The following ZMYND10 variants were observed in gnomAD, a reference collection of about 807,000 sequenced individuals.
ZMYND10 encodes zinc finger MYND-type containing 10.
ZMYND10 carries 52 observed loss-of-function variants against 62.6 expected under a neutral mutation model. That is an observed-to-expected ratio of 0.83 (90% confidence interval 0.67 to 1.05). The LOEUF (loss-of-function observed/expected upper bound fraction) is 1.05, where lower values mean the gene tolerates loss of function less well. Among genes scored for constraint, ZMYND10 ranks in the 50% least tolerant of loss-of-function variants. The pLI, the probability that ZMYND10 is intolerant of heterozygous loss-of-function variation, is 0.00. For missense variants in ZMYND10, 438 were observed against 543.3 expected (o/e 0.81, Z 1.93); for synonymous variants, 197 against 218.5 (o/e 0.90, Z 0.87).
At position 50,343,129 on chromosome 3, in the gene ZMYND10, G is replaced by A. The variant is rs767001214; in HGVS notation, c.588C>T (p.Asp196=). 9.4e-5 allele frequency: 152 copies of A among 1,614,228 alleles called. No individual in the cohort carries two copies. In the Middle Eastern group the frequency reaches 4.6e-3, roughly 49 times the overall value. Residue 196 remains aspartate, a synonymous_variant, in exon 6 of 12, where the codon GAC becomes GAT. Transcript: ENST00000231749. ...KALSVLRYIT[D]CVDSLSLSTL... Reference sequence around the variant, plus strand: ...GTCGGACTGCTCACCTGTCCACACAGTCTGTGATGTAGCGTAGTACTGAGA... The same window carrying A: ...GTCGGACTGCTCACCTGTCCACACAATCTGTGATGTAGCGTAGTACTGAGA...
At position 50,345,649 on chromosome 3, in the gene ZMYND10, G is replaced by A; in HGVS notation, c.-70C>T. 1.3e-6 allele frequency: 2 copies of A among 1,514,142 alleles called. No homozygotes were observed. The highest frequency in any genetic ancestry group is 1.8e-6 in the Non-Finnish European group (2 of 1,133,438). 93.8% of individuals were successfully genotyped at this position (1,514,142 alleles called of 1,614,324 possible). A position where few individuals can be genotyped will look rare whatever the true frequency, so the allele number is the denominator to read the frequency against. On this transcript the variant is annotated 5_prime_UTR_variant, in exon 1 of 12. Coordinates refer to ENST00000231749, the MANE Select transcript of ZMYND10 (RefSeq NM_015896.4). This position sits in a 1 kb window ranked among gnomAD's most constrained non-coding sequence, Gnocchi z 5.0. ...GGATGCTGTCACATTCGGGGACGAC[G>A]GACCCCGACGGTGCCAAAGTCTGGG... is the stretch of plus-strand genomic sequence containing the variant.
In ZMYND10 at chr3:50,345,548, TC is replaced by T; in HGVS notation, c.31del (p.Glu11LysfsTer32). The T allele has an allele frequency of 6.2e-7, 1 of 1,608,420 alleles. No homozygotes were observed. The highest frequency in any genetic ancestry group is 8.5e-7 in the Non-Finnish European group (1 of 1,178,020). On this transcript the variant is annotated frameshift_variant, in exon 1 of 12. Coordinates refer to ENST00000231749, the MANE Select transcript of ZMYND10 (RefSeq NM_015896.4). LOFTEE classifies it high-confidence loss of function. This position sits in a 1 kb window ranked among gnomAD's most constrained non-coding sequence, Gnocchi z 5.0. ...CAGACCCCGCACCAGCACTTCAGCT[TC>T]CCCGGGCAGCAGCAGTTCCAGGTCT... MGDLELLLPG[E>X]AEVLVRGLRS...
rs774945751 is a variant in ZMYND10, at chr3:50,342,070, G to A, written c.944C>T (p.Ala315Val). Residue 315 changes from alanine to valine, a missense_variant, in exon 9 of 12, where the codon GCC becomes GTC. Physicochemically the swap from Ala to Val is moderately conservative, Grantham distance 64. Coordinates refer to ENST00000231749, the MANE Select transcript of ZMYND10 (RefSeq NM_015896.4). ...PNLAHLQSFL[A>V]HLTLTETQPP... ...CTGGGTTTCAGTTAGGGTCAGATGG[G>A]CCAGGAAACTCTGCAAGTGGGCCAG... 6.2e-7 allele frequency: 1 copy of A among 1,613,908 alleles called. No individual in the cohort carries two copies.
In ZMYND10 at chr3:50,342,382, C is replaced by A. The variant is rs181274355; in HGVS notation, c.873+15G>T. The A allele has an allele frequency of 6.4e-7, 1 of 1,561,450 alleles. No individual in the cohort carries two copies. The highest frequency in any genetic ancestry group is 8.7e-7 in the Non-Finnish European group (1 of 1,152,446). Reference sequence around the variant, plus strand: ...GGTACTGGGGCTGTGGGGGCTGGTGCGGAGGGAGTCTGACCTTGAGTAGCC... The same window carrying A: ...GGTACTGGGGCTGTGGGGGCTGGTGAGGAGGGAGTCTGACCTTGAGTAGCC... On this transcript the variant is annotated intron_variant, in intron 8 of 11. Coordinates refer to ENST00000231749, the MANE Select transcript of ZMYND10 (RefSeq NM_015896.4).
chr3:50,344,965 A>G, intron 2 of ZMYND10, 159 bp downstream of exon 2: 1 of 647,846 alleles, frequency 1.5e-6, no homozygotes. Context: ...AGTCCTGTCC[A>G]ATAGGGATAC....
chr3:50,345,474 C>T lies in ZMYND10; in HGVS notation c.92+14G>A, dbSNP rs587667822. On this transcript the variant is annotated intron_variant, in intron 1 of 11. Transcript: ENST00000231749. The surrounding 1 kb of genome is among the most constrained non-coding windows in gnomAD (Gnocchi z 5.0). ...ACAATGACTCCGGGACTCCGCCTGA[C>T]CCGGGTGCCTCACCCTTCGGAGCCC... 1.2e-4 allele frequency: 194 copies of T among 1,586,048 alleles called. 1 individual carries two copies. The South Asian group carries it at 2.1e-3, about 17-fold the overall frequency.
rs1215595965 is a variant in ZMYND10 at position 50,341,829 on chromosome 3, G to C, written c.1102C>G (p.Leu368Val). Reference sequence around the variant, plus strand: ...CCTTACCTTCGCGCCTGCAGCCGCAGGTCCTGCTCTGAGGGGCTGAACACA... The same window carrying C: ...CCTTACCTTCGCGCCTGCAGCCGCACGTCCTGCTCTGAGGGGCTGAACACA... ...QHVFSPSEQDLRLQARRWAET... is the reference protein window; with the variant it reads ...QHVFSPSEQDVRLQARRWAET... The change falls in exon 10 of 12, where the codon CTG (leucine) becomes GTG (valine). Residue 368 changes from leucine to valine, a missense_variant. Coordinates refer to ENST00000231749, the MANE Select transcript of ZMYND10 (RefSeq NM_015896.4). 1 of 1,614,120 alleles carries C rather than the reference G, an allele frequency of 6.2e-7. No homozygotes were observed. The highest frequency in any genetic ancestry group is 8.5e-7 in the Non-Finnish European group (1 of 1,180,038).
intron 4 of ZMYND10, 40 bp from the exon 5 acceptor site, chr3:50,343,484 T>C: frequency 1.2e-6 from 2 of 1,613,640 alleles, no homozygotes; most frequent in East Asian, 2.2e-5. Flanking sequence ...GTCTGATGCC[T>C]TCCCCACACA....
In ZMYND10 at chr3:50,342,962, A is replaced by T. The variant is rs372408462; in HGVS notation, c.656T>A (p.Leu219Gln). 1 of 1,614,018 alleles carries T rather than the reference A, an allele frequency of 6.2e-7. No individual in the cohort carries two copies. Among genetic ancestry groups the T allele is most frequent in the African/African-American group, 1.3e-5 (1 of 74,914 alleles). The change falls in exon 7 of 12, where the codon CTG becomes CAG. Residue 219 changes from leucine (L) to glutamine (Q), a missense_variant. Leu to Gln is a moderately radical substitution (Grantham distance 113). Transcript: ENST00000231749. ...GGGACTATGCTCCAGCAGTTCCACC[A>T]GGAGGCAGGGCAGGTTGTGTGTGCT... Reference protein sequence around the residue: ...MLSTHNLPCLLVELLEHSPWS... With the variant: ...MLSTHNLPCLQVELLEHSPWS...
chr3:50,345,580 A>G lies in ZMYND10; in HGVS notation c.-1T>C, dbSNP rs369208824. On this transcript the variant is annotated 5_prime_UTR_variant, in exon 1 of 12. Coordinates refer to ENST00000231749, the MANE Select transcript of ZMYND10 (RefSeq NM_015896.4). This position sits in a 1 kb window ranked among gnomAD's most constrained non-coding sequence, Gnocchi z 5.0. ...GCAGCAGCAGTTCCAGGTCTCCCATATCGAGGCCGGGGTCCGGCGGATCCT... is the reference window on the plus strand; with the variant it reads ...GCAGCAGCAGTTCCAGGTCTCCCATGTCGAGGCCGGGGTCCGGCGGATCCT... The G allele has an allele frequency of 2.0e-4, 319 of 1,593,582 alleles. 3 individuals carry two copies. In the Middle Eastern group the frequency reaches 2.3e-3, roughly 12 times the overall value.
rs748923232 is a variant in ZMYND10 at position 50,343,554 on chromosome 3, G to A, written c.372+9C>T. ...GAACTGTGGCCCATGGGCAGAGATAGTCCCTCACCTTGTGGAAGAACACTG... is the reference window on the plus strand; with the variant it reads ...GAACTGTGGCCCATGGGCAGAGATAATCCCTCACCTTGTGGAAGAACACTG... On this transcript the variant is annotated intron_variant, in intron 4 of 11. Coordinates refer to ENST00000231749, the MANE Select transcript of ZMYND10 (RefSeq NM_015896.4). The A allele has an allele frequency of 1.9e-6, 3 of 1,614,188 alleles. No individual in the cohort carries two copies. Among genetic ancestry groups the A allele is most frequent in the Non-Finnish European group, 2.5e-6 (3 of 1,180,030 alleles).
In ZMYND10 at chr3:50,342,573, G is replaced by C. The variant is rs780693468; in HGVS notation, c.701-4C>G. On this transcript the variant is annotated splice_region_variant and splice_polypyrimidine_tract_variant and intron_variant, in intron 7 of 11. Transcript: ENST00000231749. ...CCCTCGAACTGCTGCAGCTTGCCTG[G>C]GGAGAGGAACCAGCACACTGGGTGC... 6.2e-7 allele frequency: 1 copy of C among 1,610,958 alleles called. No homozygotes were observed. The highest frequency in any genetic ancestry group is 1.1e-5 in the South Asian group (1 of 90,880).
intron 5 of ZMYND10, 29 bp from the exon 6 acceptor site, chr3:50,343,235 GC>G: frequency 6.2e-7 from 1 of 1,614,022 alleles, no homozygotes; most frequent in Non-Finnish European, 8.5e-7. Flanking sequence ...TTCACGCTGG[GC>G]CACCCTCACC....
Position 50,342,451 on chromosome 3 carries a change from AG to A in ZMYND10, c.818del (p.Pro273LeufsTer45). On this transcript the variant is annotated frameshift_variant, in exon 8 of 12. Transcript: ENST00000231749. LOFTEE classifies it high-confidence loss of function. ...TGAGGCAGTAGCGCGCCTGAGCCTC[AG>A]GGCTTAGCAGCAGGTTGTACAGGGC... is the stretch of plus-strand genomic sequence containing the variant. The part of the protein sequence containing the change: ...WIALYNLLLS[P>X]EAQARYCLTS... 6.2e-7 allele frequency: 1 copy of A among 1,611,414 alleles called. No individual in the cohort carries two copies.
At position 50,342,166 on chromosome 3, in the gene ZMYND10, G is replaced by C. The variant is rs767516397; in HGVS notation, c.874-26C>G. On this transcript the variant is annotated intron_variant, in intron 8 of 11. Transcript: ENST00000231749. ...CTGCAAGGGTGTCCAGTGGAGGCCAGTGTGATGCAGGTGCTGGCCAGGGGG... is the reference window on the plus strand; with the variant it reads ...CTGCAAGGGTGTCCAGTGGAGGCCACTGTGATGCAGGTGCTGGCCAGGGGG... 4 of 1,600,884 alleles carry C rather than the reference G, an allele frequency of 2.5e-6. No individual in the cohort carries two copies. The African/African-American group carries it at 4.0e-5, about 16-fold the overall frequency.
At position 50,341,666 on chromosome 3, in the gene ZMYND10, C is replaced by T. The variant is rs764859275; in HGVS notation, c.1155G>A (p.Glu385=). 80 of 1,614,116 alleles carry T rather than the reference C, an allele frequency of 5.0e-5. No individual in the cohort carries two copies. The highest frequency in any genetic ancestry group is 6.4e-5 in the Non-Finnish European group (76 of 1,180,048). The change falls in exon 11 of 12, where the codon GAG becomes GAA. Residue 385 remains glutamate, a synonymous_variant. Coordinates refer to ENST00000231749, the MANE Select transcript of ZMYND10 (RefSeq NM_015896.4). ...AGCGGGGCCGCTCTGGAGCCACTGC[C>T]TCTAGCACATCCAGCCTGTAGGTCT... ...WAETYRLDVL[E]AVAPERPRCA... is the part of the protein sequence containing the mutation.
In ZMYND10 at chr3:50,341,388, C is replaced by A. The variant is rs765260956; in HGVS notation, c.*22G>T. The A allele has an allele frequency of 8.7e-6, 14 of 1,613,478 alleles. No homozygotes were observed. The highest frequency in any genetic ancestry group is 2.2e-5 in the South Asian group (2 of 91,016). On this transcript the variant is annotated 3_prime_UTR_variant, in exon 12 of 12. Transcript: ENST00000231749. Reference sequence around the variant, plus strand: ...GGTGGATTCCCTTGGCATGGGTGGTCGGCCCTCAGCAACTGCAGCCCTCAT... The same window carrying A: ...GGTGGATTCCCTTGGCATGGGTGGTAGGCCCTCAGCAACTGCAGCCCTCAT...
Position 50,341,337 on chromosome 3 carries a change from A to G in ZMYND10, c.*73T>C. The G allele has an allele frequency of 6.3e-7, 1 of 1,575,176 alleles. No homozygotes were observed. The highest frequency in any genetic ancestry group is 8.7e-7 in the Non-Finnish European group (1 of 1,152,492). ...GGGCTCCGGCAGAGGCTGGACCGTG[A>G]TCTTGAGGTTCAGGGGTGCATTCTG... On this transcript the variant is annotated 3_prime_UTR_variant, in exon 12 of 12. Transcript: ENST00000231749.
At position 50,345,308 on chromosome 3, in the gene ZMYND10, GCCTAA is replaced by G; in HGVS notation, c.93-81_93-77del. On this transcript the variant is annotated intron_variant, in intron 1 of 11. Transcript: ENST00000231749. This position sits in a 1 kb window ranked among gnomAD's most constrained non-coding sequence, Gnocchi z 5.0. The stretch of plus-strand genomic sequence containing the variant: ...GGGATGGGGGCTGGATCCTACTGAA[GCCTAA>G]CCTGATCCTGAGGGGACACAGGGGG... 6.5e-7 allele frequency: 1 copy of G among 1,540,730 alleles called. No homozygotes were observed.
Sources: gnomAD v4.1 joint callset for allele counts on GRCh38, gnomAD v4.1.1 for gene constraint, Gnocchi (gnomAD v3.1) non-coding constraint, MANE v1.5 for transcripts, NCBI Gene and HGNC (gene_info 2026-07-23, HGNC 2026-07-21) for gene names.